The following FOXK2 variants were observed in gnomAD, a reference collection of about 807,000 sequenced individuals.
FOXK2 encodes the protein forkhead box K2, also known as forkhead box protein K2.
In FOXK2, 24 loss-of-function variants were observed where a neutral mutation model predicts 53.3. That is an observed-to-expected ratio of 0.45 (90% CI 0.33 to 0.63). The LOEUF (loss-of-function observed/expected upper bound fraction) is 0.63, where lower values mean the gene tolerates loss of function less well. Ranked by LOEUF, FOXK2 falls within the 30% of genes least tolerant of loss-of-function variation. FOXK2 has a pLI of 0.03. For synonymous variants in FOXK2, 505 were observed against 407.1 expected, an observed-to-expected ratio of 1.24 and a Z score of -2.89; for missense variants, 952 against 910.5, an observed-to-expected ratio of 1.05 and a Z score of -0.59.
chr17:82,531,835 T>A (rs565598197), intron 1 of FOXK2, among the ~76,000 whole-genome samples: 1 of 152,206 alleles, frequency 6.6e-6, no homozygotes, highest in East Asian at 1.9e-4. Flanking sequence ...ACACTGGACA[T>A]TTAGGCTATA....
At chr17:82,552,427 G>A (rs2044685681) in intron 1 of FOXK2, among the ~76,000 whole-genome samples, 2 of 152,048 alleles carry the variant, frequency 1.3e-5, no homozygotes, top group South Asian at 4.1e-4. Context: ...GTGTCCTAAT[G>A]GCCGACCTTC....
intron 1 of FOXK2, among the ~76,000 whole-genome samples, chr17:82,528,435 GTTTTC>G (rs2044440012): frequency 6.6e-6 from 1 of 152,094 alleles, no homozygotes. Context: ...TGGGGCTCTT[GTTTTC>G]TTTTATGTTT....
chr17:82,561,666 G>A (rs1007141309), intron 1 of FOXK2, among the ~76,000 whole-genome samples: 12 of 136,876 alleles, frequency 8.8e-5, no homozygotes, highest in Non-Finnish European at 1.6e-4. Flanking sequence ...CGGCAGCACG[G>A]CAAAGAAGCG....
chr17:82,598,070 C>T (rs754886464), intron 8 of FOXK2, among the ~76,000 whole-genome samples: 3 of 146,080 alleles, frequency 2.1e-5, no homozygotes, highest in East Asian at 1.9e-4. Context: ...TCGGCACATC[C>T]GTCATCTCAT....
At chr17:82,544,562 AGC>A (rs2044605257) in intron 1 of FOXK2, among the ~76,000 whole-genome samples, 1 of 152,144 alleles carries the variant, frequency 6.6e-6, no homozygotes, top group Admixed American at 6.6e-5. Flanking sequence ...CCAACATGTG[AGC>A]ATTTCTGTTG....
At chr17:82,581,683 G>A (rs1232021637) in intron 4 of FOXK2, among the ~76,000 whole-genome samples, 1 of 152,106 alleles carries the variant, frequency 6.6e-6, no homozygotes, top group Non-Finnish European at 1.5e-5. Context: ...CACCGTGTTT[G>A]CCAGGATGGT....
intron 1 of FOXK2, among the ~76,000 whole-genome samples, chr17:82,555,885 CAAAAAAAAAAAAAA>C (rs71168116): frequency 0.069 from 5,159 of 74,592 alleles, 158 homozygotes; most frequent in Middle Eastern, 0.19. Context: ...GACTCTATCA[CAAAAAAAAAAAAAA>C]AAAAAAAAAA....
chr17:82,584,069 C>T lies in FOXK2; in HGVS notation c.1160C>T (p.Ala387Val). Residue 387 changes from alanine (A) to valine (V), a missense_variant, in exon 6 of 9, where the codon GCC becomes GTC. This residue lies in a region of FOXK2 where 551 missense variants were observed against 385.1 expected (regional missense o/e 1.43). Transcript: ENST00000335255. ...AGVLSAHSSG[A>V]QTPESLSREG... ...GTGCTGTCTGCTCACTCTAGTGGCG[C>T]CCAGACCCCTGAGAGCCTGTCGAGG... 6.2e-7 allele frequency: 1 copy of T among 1,611,966 alleles called. No individual in the cohort carries two copies. The highest frequency in any genetic ancestry group is 8.5e-7 in the Non-Finnish European group (1 of 1,179,872).
intron 2 of FOXK2, among the ~76,000 whole-genome samples, chr17:82,566,408 T>G (rs1199411331): frequency 6.6e-6 from 1 of 152,140 alleles, no homozygotes; most frequent in African/African-American, 2.4e-5. Flanking sequence ...CCATTGCTCC[T>G]TTGCTGAGAG....
rs539758571 is a variant in FOXK2 at position 82,574,692 on chromosome 17, C to G, written c.909+2822C>G. Among the ~76,000 whole-genome samples, 36 of 152,336 alleles carry G rather than the reference C, an allele frequency of 2.4e-4. No homozygotes were observed. In the South Asian group the frequency reaches 7.5e-3, roughly 32 times the overall value. ...AGAATACTGACCCTCACGGGCTCTT[C>G]CTGTGCCATGAGATTCTCTGAGCCG... On this transcript the variant is annotated intron_variant, in intron 4 of 8. Transcript: ENST00000335255.
intron 1 of FOXK2, among the ~76,000 whole-genome samples, chr17:82,534,905 G>C (rs2044505910): frequency 6.6e-6 from 1 of 152,202 alleles, no homozygotes; most frequent in Non-Finnish European, 1.5e-5. Context: ...TTTGGGGGCA[G>C]GTTCTTGCTC....
At chr17:82,574,586 C>T (rs531687336) in intron 4 of FOXK2, among the ~76,000 whole-genome samples, 1 of 152,106 alleles carries the variant, frequency 6.6e-6, no homozygotes, top group East Asian at 1.9e-4. Flanking sequence ...TCCCGAAGTG[C>T]TGGGATTACA....
intron 1 of FOXK2, among the ~76,000 whole-genome samples, chr17:82,555,756 C>T (rs1466957986): frequency 2.7e-5 from 4 of 149,726 alleles, no homozygotes; most frequent in East Asian, 2.0e-4. Flanking sequence ...GGCGTGGGGG[C>T]GGGCGCCTGT....
At chr17:82,543,722 T>G (rs2044595006) in intron 1 of FOXK2, among the ~76,000 whole-genome samples, 1 of 151,548 alleles carries the variant, frequency 6.6e-6, no homozygotes. Context: ...CCTCAAGTGA[T>G]CCTGCTGCTG....
intron 4 of FOXK2, among the ~76,000 whole-genome samples, chr17:82,572,525 G>A (rs2044930197): frequency 6.8e-6 from 1 of 147,928 alleles, no homozygotes; most frequent in Admixed American, 6.8e-5. Flanking sequence ...GTCTCGCTCT[G>A]TTATGCCAAT....
At chr17:82,597,229 C>T (rs549571248) in intron 8 of FOXK2, among the ~76,000 whole-genome samples, 22 of 152,358 alleles carry the variant, frequency 1.4e-4, no homozygotes, top group African/African-American at 4.8e-4. Context: ...TTGCAGTGCT[C>T]GCTGCACAGA....
chr17:82,521,062 G>A (rs548822184), intron 1 of FOXK2, among the ~76,000 whole-genome samples: 1 of 152,256 alleles, frequency 6.6e-6, no homozygotes, highest in South Asian at 2.1e-4. Context: ...TGAAGTTATC[G>A]TTTACTCTGC....
chr17:82,524,556 C>T (rs925854782), intron 1 of FOXK2, among the ~76,000 whole-genome samples: 1 of 152,128 alleles, frequency 6.6e-6, no homozygotes, highest in African/African-American at 2.4e-5. Flanking sequence ...GAGCCTCGAG[C>T]CCAGTGTGAT....
chr17:82,570,198 A>G (rs541428288), intron 3 of FOXK2, among the ~76,000 whole-genome samples: 21 of 151,682 alleles, frequency 1.4e-4, no homozygotes, highest in East Asian at 7.7e-4. Flanking sequence ...CTCCAGCCTG[A>G]GTGACAGAGC....
Sources: allele counts gnomAD v4.1 joint callset (sites outside exome capture counted in the v4.1 genomes callset), GRCh38; gene constraint gnomAD v4.1.1; regional missense constraint gnomAD v4.1.1; transcripts MANE v1.5; gene names NCBI Gene and HGNC (gene_info 2026-07-23, HGNC 2026-07-21).